CTIF: variants seen among roughly 807,000 people sequenced by gnomAD.
CTIF encodes the protein cap binding complex dependent translation initiation factor.
Under a neutral mutation model 66.0 loss-of-function variants are expected in CTIF, and 21 were observed. That is an observed-to-expected ratio of 0.32 (90% CI 0.23 to 0.46). The LOEUF is 0.46. Among genes scored for constraint, CTIF ranks in the 20% least tolerant of loss-of-function variants. The pLI is 1.00. For missense variants in CTIF, 739 were observed against 812.7 expected (o/e 0.91, Z 1.10); for synonymous variants, 345 against 326.4 (o/e 1.06, Z -0.62).
At chr18:48,833,462 C>T (rs2068739116) in intron 10 of CTIF, among the ~76,000 whole-genome samples, 1 of 152,122 alleles carries the variant, frequency 6.6e-6, no homozygotes, top group Admixed American at 6.5e-5. Flanking sequence ...CCCATTTCCT[C>T]TCTCTAAATG....
At chr18:48,608,488 G>T (rs966290844) in intron 1 of CTIF, among the ~76,000 whole-genome samples, 49 of 152,092 alleles carry the variant, frequency 3.2e-4, no homozygotes, top group African/African-American at 6.8e-4. Context: ...AGTGGTGGGG[G>T]GGTGGGGGCA....
intron 6 of CTIF, among the ~76,000 whole-genome samples, chr18:48,710,486 A>G (rs2092212072): frequency 6.6e-6 from 1 of 152,194 alleles, no homozygotes; most frequent in Admixed American, 6.5e-5. Context: ...CAGGCCGCTC[A>G]TAATGGAATG....
chr18:48,558,664 A>G (rs2089078201), intron 1 of CTIF, among the ~76,000 whole-genome samples: 1 of 152,212 alleles, frequency 6.6e-6, no homozygotes, highest in Non-Finnish European at 1.5e-5. Flanking sequence ...TTTGTTTCAA[A>G]TGCATCTGTT....
intron 10 of CTIF, among the ~76,000 whole-genome samples, chr18:48,837,676 C>G (rs2068842818): frequency 6.6e-6 from 1 of 152,226 alleles, no homozygotes; most frequent in African/African-American, 2.4e-5. Flanking sequence ...ACCCAGAGAT[C>G]TTACTATACA....
chr18:48,764,395 G>C (rs1323183361), intron 9 of CTIF, among the ~76,000 whole-genome samples: 1 of 152,148 alleles, frequency 6.6e-6, no homozygotes, highest in African/African-American at 2.4e-5. Context: ...ACTGGGGTGC[G>C]TGCCGTTACT....
chr18:48,594,066 C>T (rs1438059934), intron 1 of CTIF, among the ~76,000 whole-genome samples: 1 of 150,588 alleles, frequency 6.6e-6, no homozygotes, highest in Non-Finnish European at 1.5e-5. Context: ...ACAAGCCCCC[C>T]CTCCTATCTG....
At position 48,834,692 on chromosome 18, in the gene CTIF, C is replaced by T. The variant is rs2068771014; in HGVS notation, c.1527+17316C>T. ...AAACTGAGGCCCAGAGGCAACGTAC[C>T]TCTATCATATGAGCCCAGGGAAAGG... On this transcript the variant is annotated intron_variant, in intron 10 of 11. Transcript: ENST00000256413. The T allele has an allele frequency of 2.6e-5, 4 of 152,700 alleles. No homozygotes were observed. The South Asian group carries it at 8.3e-4, about 32-fold the overall frequency. The allele number at this position is 152,700 out of a possible 1,614,324, so 9.5% of individuals were successfully genotyped here.
chr18:48,817,147 C>A, intron 9 of CTIF, 74 bp from the exon 10 acceptor site: 1 of 1,459,292 alleles, frequency 6.9e-7, no homozygotes, highest in Non-Finnish European at 9.3e-7. Context: ...ACAACAGATG[C>A]TCTGCACAGC....
chr18:48,672,743 C>T (rs1181201029), intron 6 of CTIF, among the ~76,000 whole-genome samples: 1 of 152,184 alleles, frequency 6.6e-6, no homozygotes, highest in African/African-American at 2.4e-5. Context: ...GCATAAAGAT[C>T]CTACCAGCTG....
intron 9 of CTIF, among the ~76,000 whole-genome samples, chr18:48,786,756 C>T (rs926004640): frequency 3.3e-5 from 5 of 152,162 alleles, no homozygotes; most frequent in East Asian, 3.9e-4. Context: ...CCTGGAACTT[C>T]GAAGGGAAAG....
intron 1 of CTIF, chr18:48,568,263 A>G (rs1466307727): frequency 1.3e-5 from 2 of 152,172 alleles, no homozygotes; most frequent in African/African-American, 2.4e-5. Flanking sequence ...AGTACATGAC[A>G]TTATCGAAAC....
intron 3 of CTIF, among the ~76,000 whole-genome samples, chr18:48,654,309 C>G (rs1470795710): frequency 6.6e-6 from 1 of 152,110 alleles, no homozygotes; most frequent in African/African-American, 2.4e-5. Context: ...AAAAAATGGG[C>G]AAAGGATATG....
rs146309564 is a variant in CTIF, at chr18:48,835,708, C to A, written c.1527+18332C>A. ...ACACTGGAGATCATCTGATCTCCCCCCTCTGGCGTGGTCCATAAAGCAGTG... is the reference window on the plus strand; with the variant it reads ...ACACTGGAGATCATCTGATCTCCCCACTCTGGCGTGGTCCATAAAGCAGTG... On this transcript the variant is annotated intron_variant, in intron 10 of 11. Transcript: ENST00000256413. Among the ~76,000 whole-genome samples the A allele has an allele frequency of 5.6e-3, 848 of 152,268 alleles. 12 individuals carry two copies. The highest frequency in any genetic ancestry group is 0.019 in the African/African-American group (802 of 41,538).
chr18:48,681,635 C>T (rs193265659), intron 6 of CTIF, among the ~76,000 whole-genome samples: 87 of 152,258 alleles, frequency 5.7e-4, no homozygotes, highest in African/African-American at 1.7e-3. Flanking sequence ...CTGGCACCCC[C>T]GGCTTCTTTC....
intron 9 of CTIF, among the ~76,000 whole-genome samples, chr18:48,768,013 G>T (rs1909739552): frequency 6.6e-6 from 1 of 152,004 alleles, no homozygotes; most frequent in South Asian, 2.1e-4. Context: ...TGTGTGTGTT[G>T]CCCCCACTTC....
At chr18:48,648,804 A>G (rs1011889322) in intron 3 of CTIF, among the ~76,000 whole-genome samples, 11 of 152,330 alleles carry the variant, frequency 7.2e-5, no homozygotes, top group African/African-American at 2.6e-4. Flanking sequence ...TCGTGGGACC[A>G]GTGAGGAAAC....
chr18:48,646,642 A>G lies in CTIF; in HGVS notation c.252+9957A>G, dbSNP rs575459281. Among the ~76,000 whole-genome samples, 25 of 151,882 alleles carry G rather than the reference A, an allele frequency of 1.6e-4. No homozygotes were observed. The South Asian group carries it at 4.6e-3, about 28-fold the overall frequency. On this transcript the variant is annotated intron_variant, in intron 3 of 11. Transcript: ENST00000256413. ...CATACCTGTGGTTCCAGCTGCTCGG[A>G]AGGCTGAGGTAGGAGGATCACTTGA...
intron 9 of CTIF, among the ~76,000 whole-genome samples, chr18:48,766,598 C>T (rs373740644): frequency 7.9e-5 from 12 of 152,242 alleles, no homozygotes; most frequent in South Asian, 4.1e-4. Context: ...GGGTGGAACA[C>T]CACTGTTGAG....
chr18:48,576,345 T>C (rs979966507), intron 1 of CTIF, among the ~76,000 whole-genome samples: 5 of 152,246 alleles, frequency 3.3e-5, no homozygotes, highest in African/African-American at 7.2e-5. Context: ...GCTGAAGAGA[T>C]AGAAGAATTT....
Sources: gnomAD v4.1 joint callset for allele counts (sites outside exome capture counted in the v4.1 genomes callset) on GRCh38, gnomAD v4.1.1 for gene constraint, MANE v1.5 for transcripts, NCBI Gene and HGNC (gene_info 2026-07-23, HGNC 2026-07-21) for gene names.